ADAMTS19: variants seen among roughly 807,000 people sequenced by gnomAD.
ADAMTS19 encodes ADAM metallopeptidase with thrombospondin type 1 motif 19.
ADAMTS19 carries 93 observed loss-of-function variants against 153.3 expected under a neutral mutation model. That is an observed-to-expected ratio of 0.61 (90% CI 0.51 to 0.72). The LOEUF (loss-of-function observed/expected upper bound fraction) is 0.72. Among genes scored for constraint, ADAMTS19 ranks in the 30% least tolerant of loss-of-function variants. ADAMTS19 has a pLI of 0.00. For missense variants in ADAMTS19, 1,482 were observed against 1,552.1 expected, an observed-to-expected ratio of 0.95 and a Z score of 0.76; for synonymous variants, 600 against 556.6, an observed-to-expected ratio of 1.08 and a Z score of -1.10.
chr5:129,461,745 T>C lies in ADAMTS19; in HGVS notation c.735T>C (p.Cys245=), dbSNP rs922589550. ...HPGSLASFST[C]GGGLMGFIQL... ...GCTCGCTGGCTTCTTTCAGCACCTG[T>C]GGAGGTGGCCTGGTAAGCGCCTTCT... The change falls in exon 2 of 23, where the codon TGT becomes TGC. Residue 245 remains cysteine (C), a synonymous_variant. Coordinates refer to ENST00000274487, the MANE Select transcript of ADAMTS19 (RefSeq NM_133638.6). The surrounding 1 kb of genome is among the most constrained non-coding windows in gnomAD (Gnocchi z 4.6). 1.3e-6 allele frequency: 2 copies of C among 1,502,718 alleles called. No individual in the cohort carries two copies. The highest frequency in any genetic ancestry group is 2.6e-5 in the South Asian group (2 of 76,470). The allele number at this position is 1,502,718 out of a possible 1,614,324, so 93.1% of individuals were successfully genotyped here. A position where few individuals can be genotyped will look rare whatever the true frequency, so the allele number is the denominator to read the frequency against.
chr5:129,701,647 A>C (rs1755862602), intron 20 of ADAMTS19, 55 bp downstream of exon 20: 1 of 1,580,460 alleles, frequency 6.3e-7, no homozygotes, highest in African/African-American at 1.3e-5. Context: ...TAGCTTGTAC[A>C]AGATCAGGTT....
intron 7 of ADAMTS19, among the ~76,000 whole-genome samples, chr5:129,591,294 C>CTT (rs756970201): frequency 1.1e-4 from 16 of 143,934 alleles, no homozygotes; most frequent in African/African-American, 1.5e-4. Context: ...TAAAATTACA[C>CTT]TTTTTTTTTT....
At chr5:129,644,624 T>G (rs1213969828) in intron 11 of ADAMTS19, among the ~76,000 whole-genome samples, 1 of 152,160 alleles carries the variant, frequency 6.6e-6, no homozygotes, top group East Asian at 1.9e-4. Context: ...ATAATTTTTA[T>G]ATAATTTTCA....
intron 7 of ADAMTS19, among the ~76,000 whole-genome samples, chr5:129,571,679 T>A (rs566424187): frequency 6.6e-6 from 1 of 151,850 alleles, no homozygotes; most frequent in Admixed American, 6.6e-5. Flanking sequence ...GATTCTAAAA[T>A]TTATATGCAA....
At chr5:129,612,239 C>T (rs1751264112) in intron 8 of ADAMTS19, among the ~76,000 whole-genome samples, 1 of 150,362 alleles carries the variant, frequency 6.7e-6, no homozygotes, top group African/African-American at 2.4e-5. Flanking sequence ...TTTTTTTGTC[C>T]TTGCGATAGT....
At chr5:129,650,139 C>A (rs1400334787) in intron 13 of ADAMTS19, among the ~76,000 whole-genome samples, 1 of 152,166 alleles carries the variant, frequency 6.6e-6, no homozygotes, top group Non-Finnish European at 1.5e-5. Flanking sequence ...CCACTTTACT[C>A]TAGCCTGGGT....
chr5:129,633,922 G>A (rs3909548), intron 10 of ADAMTS19, among the ~76,000 whole-genome samples: 12,302 of 151,982 alleles, frequency 0.081, 598 homozygotes, highest in Middle Eastern at 0.15. Flanking sequence ...CTCAGTTTCC[G>A]TCTTCACGAG....
intron 2 of ADAMTS19, among the ~76,000 whole-genome samples, chr5:129,480,176 G>A (rs759478784): frequency 3.9e-5 from 6 of 152,126 alleles, no homozygotes; most frequent in Non-Finnish European, 7.4e-5. Flanking sequence ...GAAAGTTACC[G>A]ATGTAATTCA....
intron 7 of ADAMTS19, among the ~76,000 whole-genome samples, chr5:129,557,967 GT>G (rs1414195386): frequency 2.6e-5 from 4 of 151,688 alleles, no homozygotes; most frequent in Admixed American, 6.6e-5. Context: ...ATTTTAAAAT[GT>G]AACTATATAT....
intron 3 of ADAMTS19, among the ~76,000 whole-genome samples, chr5:129,518,102 C>T (rs1211561800): frequency 1.3e-5 from 2 of 152,010 alleles, no homozygotes; most frequent in Non-Finnish European, 2.9e-5. Context: ...AACTTTGTAC[C>T]CCAACTTTTT....
intron 2 of ADAMTS19, among the ~76,000 whole-genome samples, chr5:129,496,794 T>C (rs75892536): frequency 0.09 from 13,633 of 152,106 alleles, 690 homozygotes; most frequent in Middle Eastern, 0.17. Context: ...AGGTGTACAA[T>C]TGAATACACA....
chr5:129,486,534 C>T (rs1016814363), intron 2 of ADAMTS19, among the ~76,000 whole-genome samples: 1 of 152,080 alleles, frequency 6.6e-6, no homozygotes, highest in African/African-American at 2.4e-5. Context: ...CAAAATTCGG[C>T]AGTCATTTAT....
intron 7 of ADAMTS19, among the ~76,000 whole-genome samples, chr5:129,570,878 T>C (rs1369891040): frequency 1.3e-5 from 2 of 151,820 alleles, no homozygotes; most frequent in African/African-American, 2.4e-5. Flanking sequence ...CTATTCATGG[T>C]TTAAAAAACT....
chr5:129,688,510 G>C (rs1755191357), intron 18 of ADAMTS19, among the ~76,000 whole-genome samples: 2 of 151,996 alleles, frequency 1.3e-5, no homozygotes, highest in East Asian at 1.9e-4. Context: ...GTTTTAAAAT[G>C]GTAACTCAAA....
intron 21 of ADAMTS19, among the ~76,000 whole-genome samples, chr5:129,706,780 G>T (rs1304171427): frequency 6.6e-6 from 1 of 152,088 alleles, no homozygotes; most frequent in Non-Finnish European, 1.5e-5. Flanking sequence ...TTAATGAAAC[G>T]TGCCTACTGT....
chr5:129,604,259 T>C (rs1173054699), intron 8 of ADAMTS19, among the ~76,000 whole-genome samples: 2 of 152,182 alleles, frequency 1.3e-5, no homozygotes, highest in Admixed American at 6.5e-5. Context: ...AAAAATACCA[T>C]GTTCCTTCAC....
chr5:129,656,446 G>A (rs921288957), intron 14 of ADAMTS19, among the ~76,000 whole-genome samples: 12 of 152,178 alleles, frequency 7.9e-5, no homozygotes, highest in Non-Finnish European at 1.3e-4. Context: ...GTGAACGAAA[G>A]GCAATTGAAA....
At chr5:129,683,790 A>G (rs1461885373) in intron 17 of ADAMTS19, among the ~76,000 whole-genome samples, 11 of 150,490 alleles carry the variant, frequency 7.3e-5, no homozygotes, top group African/African-American at 2.5e-5. Context: ...TACATTTACT[A>G]TGCTTTGGGA....
At chr5:129,719,709 T>C (rs1388390780) in intron 21 of ADAMTS19, among the ~76,000 whole-genome samples, 1 of 152,144 alleles carries the variant, frequency 6.6e-6, no homozygotes, top group Non-Finnish European at 1.5e-5. Context: ...AAGTAAAATA[T>C]CAAACTGCCA....
Sources: allele counts gnomAD v4.1 joint callset (sites outside exome capture counted in the v4.1 genomes callset), GRCh38; gene constraint gnomAD v4.1.1; non-coding constraint Gnocchi (gnomAD v3.1); transcripts MANE v1.5; gene names NCBI Gene and HGNC (gene_info 2026-07-23, HGNC 2026-07-21).